Variants in SHISA9 observed in about 807,000 individuals in gnomAD.
SHISA9 encodes protein shisa-9.
Under a neutral mutation model 38.0 loss-of-function variants are expected in SHISA9, and 13 were observed. That is an observed-to-expected ratio of 0.34 (90% CI 0.22 to 0.54). SHISA9 has a LOEUF of 0.54. Among genes scored for constraint, SHISA9 ranks in the 20% least tolerant of loss-of-function variants. The pLI is 0.91. For synonymous variants in SHISA9, 275 were observed against 242.0 expected (o/e 1.14, Z -1.27); for missense variants, 538 against 575.8 (o/e 0.93, Z 0.67).
At chr16:13,407,925 T>C in the SHISA9 span, among the ~76,000 whole-genome samples, 1 of 152,198 alleles carries the variant, frequency 6.6e-6, no homozygotes, top group African/African-American at 2.4e-5. Context: ...AGAGAAGCCA[T>C]GTAGAGATCT....
intron 2 of SHISA9, among the ~76,000 whole-genome samples, chr16:13,173,975 C>T (rs546737907): frequency 1.3e-5 from 2 of 152,112 alleles, no homozygotes; most frequent in South Asian, 2.1e-4. Flanking sequence ...ACTGAGGAGT[C>T]GGAGTCCTGG....
intron 2 of SHISA9, among the ~76,000 whole-genome samples, chr16:13,100,783 C>T (rs962687648): frequency 2.6e-5 from 4 of 152,214 alleles, no homozygotes; most frequent in Non-Finnish European, 5.9e-5. Flanking sequence ...TCTTGGTTCA[C>T]TGCAACCTCT....
At chr16:13,395,287 C>G in the SHISA9 span, among the ~76,000 whole-genome samples, 5 of 152,312 alleles carry the variant, frequency 3.3e-5, no homozygotes, top group African/African-American at 1.2e-4. Context: ...ACCGTGCAGA[C>G]TTGGACTATA....
intron 2 of SHISA9, among the ~76,000 whole-genome samples, chr16:12,998,189 T>G (rs919012387): frequency 6.6e-5 from 10 of 152,228 alleles, no homozygotes; most frequent in Admixed American, 4.6e-4. Context: ...TTCTCTCTGA[T>G]AGTAAGAGGA....
At chr16:13,202,295 T>C (rs2051013447) in intron 2 of SHISA9, among the ~76,000 whole-genome samples, 1 of 130,992 alleles carries the variant, frequency 7.6e-6, no homozygotes, top group Non-Finnish European at 1.6e-5. Context: ...CTTTTGCTCA[T>C]GCTGCTTCCT....
At chr16:13,196,831 C>T (rs550758240) in intron 2 of SHISA9, among the ~76,000 whole-genome samples, 2 of 152,276 alleles carry the variant, frequency 1.3e-5, no homozygotes, top group Non-Finnish European at 2.9e-5. Flanking sequence ...CGGTGGCTTA[C>T]GCCTGTAATC....
the SHISA9 span, among the ~76,000 whole-genome samples, chr16:13,386,506 G>T: frequency 1.3e-5 from 2 of 152,136 alleles, no homozygotes; most frequent in Non-Finnish European, 2.9e-5. Context: ...TCATAAAACA[G>T]GATCCAATAA....
the SHISA9 span, among the ~76,000 whole-genome samples, chr16:13,425,990 G>C: frequency 3.9e-5 from 6 of 152,308 alleles, no homozygotes; most frequent in Non-Finnish European, 5.9e-5. Context: ...TCATTCTGTA[G>C]GGTAAGCTAA....
chr16:13,060,181 GC>G (rs1330660053), intron 2 of SHISA9, among the ~76,000 whole-genome samples: 4 of 152,042 alleles, frequency 2.6e-5, no homozygotes, highest in African/African-American at 7.2e-5. Flanking sequence ...CTCTCAATGC[GC>G]CCCGATGTGC....
At chr16:12,984,478 C>T (rs1278545181) in intron 2 of SHISA9, among the ~76,000 whole-genome samples, 1 of 152,234 alleles carries the variant, frequency 6.6e-6, no homozygotes, top group Admixed American at 6.5e-5. Flanking sequence ...TACTCCATGA[C>T]GTGTCTCTCT....
At chr16:13,498,687 G>T in the SHISA9 span, among the ~76,000 whole-genome samples, 2 of 152,174 alleles carry the variant, frequency 1.3e-5, no homozygotes, top group Non-Finnish European at 2.9e-5. Flanking sequence ...AACATGGGAG[G>T]TGGAGGTTGC....
intron 2 of SHISA9, among the ~76,000 whole-genome samples, chr16:12,930,072 C>G (rs535941682): frequency 7.9e-5 from 12 of 152,304 alleles, no homozygotes; most frequent in African/African-American, 2.9e-4. Context: ...CTAAAGTCAT[C>G]TTGTCTACTT....
intron 2 of SHISA9, among the ~76,000 whole-genome samples, chr16:13,027,587 C>A (rs1010244099): frequency 2.6e-5 from 4 of 152,070 alleles, no homozygotes; most frequent in African/African-American, 9.7e-5. Context: ...GGTACATCCA[C>A]ACAATGGAAT....
At chr16:13,531,626 G>T in the SHISA9 span, among the ~76,000 whole-genome samples, 1 of 152,120 alleles carries the variant, frequency 6.6e-6, no homozygotes, top group Admixed American at 6.5e-5. Context: ...GCTAAACAAA[G>T]TCAAGGCAAA....
At chr16:13,066,519 C>A (rs61614065) in intron 2 of SHISA9, among the ~76,000 whole-genome samples, 1 of 152,130 alleles carries the variant, frequency 6.6e-6, no homozygotes, top group Non-Finnish European at 1.5e-5. Flanking sequence ...GTGCCCAGTA[C>A]GTGCTAGGCA....
At chr16:13,169,543 T>C (rs937163262) in intron 2 of SHISA9, among the ~76,000 whole-genome samples, 2 of 152,208 alleles carry the variant, frequency 1.3e-5, no homozygotes, top group Admixed American at 6.5e-5. Context: ...GAATCCTTAA[T>C]GTGAATTGTG....
intron 2 of SHISA9, among the ~76,000 whole-genome samples, chr16:13,106,621 A>C (rs1238876657): frequency 6.6e-6 from 1 of 152,166 alleles, no homozygotes; most frequent in African/African-American, 2.4e-5. Flanking sequence ...AGGAGAGAAG[A>C]CCTTCAGCAG....
chr16:13,160,487 G>A (rs1187435115), intron 2 of SHISA9, among the ~76,000 whole-genome samples: 1 of 152,128 alleles, frequency 6.6e-6, no homozygotes, highest in Non-Finnish European at 1.5e-5. Context: ...TGGTCCCTTT[G>A]AGTTGTTATT....
chr16:13,368,319 TCTTA>T, the SHISA9 span, among the ~76,000 whole-genome samples: 1 of 152,256 alleles, frequency 6.6e-6, no homozygotes, highest in Middle Eastern at 3.4e-3. Context: ...ACAGGTAGTC[TCTTA>T]CTTCTCCACG....
Sources: allele counts gnomAD v4.1 joint callset (sites outside exome capture counted in the v4.1 genomes callset), GRCh38; gene constraint gnomAD v4.1.1; transcripts MANE v1.5; gene names NCBI Gene and HGNC (gene_info 2026-07-23, HGNC 2026-07-21).